MORC3: variants seen among roughly 807,000 people sequenced by gnomAD.
MORC3 encodes the protein MORC family CW-type zinc finger 3, also known as MORC family CW-type zinc finger protein 3.
MORC3 carries 31 observed loss-of-function variants against 109.1 expected under a neutral mutation model. That is an observed-to-expected ratio of 0.28 (90% CI 0.21 to 0.38). The LOEUF is 0.38. Among genes scored for constraint, MORC3 ranks in the 10% least tolerant of loss-of-function variants. MORC3 has a pLI of 1.00. For synonymous variants in MORC3, 395 were observed against 380.7 expected, an observed-to-expected ratio of 1.04 and a Z score of -0.44; for missense variants, 867 against 1,135.8, an observed-to-expected ratio of 0.76 and a Z score of 3.40.
At chr21:36,333,765 G>C in intron 2 of MORC3, 47 bp downstream of exon 2, 1 of 1,216,168 alleles carries the variant, frequency 8.2e-7, no homozygotes, top group Non-Finnish European at 1.2e-6. Context: ...TACAATTGTA[G>C]TGTTTTTTTT....
At chr21:36,360,759 A>T (rs1015665913) in intron 12 of MORC3, 9 of 165,696 alleles carry the variant, frequency 5.4e-5, no homozygotes, top group Non-Finnish European at 9.2e-5. Flanking sequence ...GAGAATGTAC[A>T]GGGAATAAAC....
chr21:36,371,776 A>G (rs1490175523), intron 15 of MORC3, among the ~76,000 whole-genome samples: 1 of 151,696 alleles, frequency 6.6e-6, no homozygotes, highest in Non-Finnish European at 1.5e-5. Context: ...AACATAATTT[A>G]GGCATTAGTA....
At chr21:36,354,989 A>C (rs922062949) in intron 9 of MORC3, among the ~76,000 whole-genome samples, 4 of 152,122 alleles carry the variant, frequency 2.6e-5, no homozygotes, top group African/African-American at 9.7e-5. Context: ...TCTTGTAAAT[A>C]CTGTGAAGTC....
chr21:36,330,700 T>C (rs1419342054), intron 1 of MORC3, among the ~76,000 whole-genome samples: 2 of 152,214 alleles, frequency 1.3e-5, no homozygotes, highest in East Asian at 1.9e-4. Flanking sequence ...CCCAAGGCCA[T>C]GTCCCATGGT....
intron 1 of MORC3, among the ~76,000 whole-genome samples, chr21:36,324,606 G>A (rs543834027): frequency 2.7e-5 from 4 of 150,438 alleles, no homozygotes; most frequent in African/African-American, 7.3e-5. Flanking sequence ...GTTTTGTTTT[G>A]CTCACTGCAT....
intron 2 of MORC3, among the ~76,000 whole-genome samples, chr21:36,336,006 A>T (rs1239865957): frequency 1.3e-5 from 2 of 151,134 alleles, no homozygotes; most frequent in Non-Finnish European, 2.9e-5. Flanking sequence ...GCTCATTGCA[A>T]CCTCCGCCTC....
chr21:36,343,317 A>G (rs2085471505), intron 6 of MORC3, among the ~76,000 whole-genome samples: 1 of 151,674 alleles, frequency 6.6e-6, no homozygotes, highest in South Asian at 2.1e-4. Context: ...CTGGTCTCGA[A>G]CTCCCGACCT....
At chr21:36,325,693 T>C (rs1226452017) in intron 1 of MORC3, among the ~76,000 whole-genome samples, 1 of 152,206 alleles carries the variant, frequency 6.6e-6, no homozygotes, top group Non-Finnish European at 1.5e-5. Flanking sequence ...TTTTGCTTTC[T>C]TCGGTTTTAA....
chr21:36,346,470 T>C (rs2085508770), intron 8 of MORC3, among the ~76,000 whole-genome samples: 1 of 152,114 alleles, frequency 6.6e-6, no homozygotes, highest in South Asian at 2.1e-4. Context: ...GGTAGGAGGA[T>C]TGCTTGAGGC....
At chr21:36,368,871 C>G in intron 14 of MORC3, 117 bp from the exon 15 acceptor site, 4 of 955,668 alleles carry the variant, frequency 4.2e-6, no homozygotes, top group Non-Finnish European at 6.1e-6. Context: ...AGTGACACTC[C>G]ATCTCAAAAA....
chr21:36,341,573 G>A, intron 6 of MORC3, 27 bp downstream of exon 6: 3 of 1,612,994 alleles, frequency 1.9e-6, no homozygotes, highest in Non-Finnish European at 2.5e-6. Context: ...CTTTGTGGAA[G>A]TGAGAAAATC....
chr21:36,345,712 A>C (rs943779088), intron 8 of MORC3, among the ~76,000 whole-genome samples: 4 of 151,884 alleles, frequency 2.6e-5, no homozygotes, highest in Non-Finnish European at 1.5e-5. Flanking sequence ...GTGCCACCGC[A>C]CTCGGCCAGT....
intron 13 of MORC3, among the ~76,000 whole-genome samples, chr21:36,362,835 A>T (rs1401212594): frequency 6.6e-6 from 1 of 152,118 alleles, no homozygotes; most frequent in African/African-American, 2.4e-5. Flanking sequence ...TTCCTAATCC[A>T]ACATCATTCA....
rs774040578 is a variant in MORC3, at chr21:36,375,289, G to A, written c.2813G>A (p.Ser938Asn). The change falls in exon 17 of 17, where the codon AGT becomes AAT. Residue 938 changes from serine (S) to asparagine (N), a missense_variant. Ser to Asn is a conservative substitution (Grantham distance 46). Transcript: ENST00000400485. ...QVVEQMSEIS[S>N]T ...GTTGAACAAATGAGTGAAATCAGTA[G>A]TACTTAAAGTATATGTTATGTAAGA... 6.2e-7 allele frequency: 1 copy of A among 1,609,748 alleles called. No homozygotes were observed. The highest frequency in any genetic ancestry group is 1.1e-5 in the South Asian group (1 of 90,688).
intron 16 of MORC3, among the ~76,000 whole-genome samples, chr21:36,373,066 G>A (rs1316246489): frequency 1.3e-5 from 2 of 152,142 alleles, no homozygotes; most frequent in East Asian, 3.8e-4. Flanking sequence ...TAGGCCAGGC[G>A]TGGTGGCTCA....
chr21:36,327,155 CTTTTTT>C (rs71326674), intron 1 of MORC3, among the ~76,000 whole-genome samples: 26,129 of 80,890 alleles, frequency 0.32, 2,844 homozygotes, highest in East Asian at 0.57. Context: ...GGCTTTATTT[CTTTTTT>C]TTTTTTTTTT....
chr21:36,322,225 A>G (rs2085201985), intron 1 of MORC3, among the ~76,000 whole-genome samples: 1 of 152,188 alleles, frequency 6.6e-6, no homozygotes, highest in Admixed American at 6.5e-5. Context: ...GTTTCCATAA[A>G]ATTTTATTGG....
At chr21:36,324,584 A>G (rs2085228936) in intron 1 of MORC3, among the ~76,000 whole-genome samples, 1 of 144,678 alleles carries the variant, frequency 6.9e-6, no homozygotes, top group Non-Finnish European at 1.5e-5. Context: ...GCCTAACCGT[A>G]GTATTTTTGA....
chr21:36,355,889 T>G (rs1323863626), intron 9 of MORC3, among the ~76,000 whole-genome samples: 2 of 152,274 alleles, frequency 1.3e-5, no homozygotes, highest in East Asian at 3.9e-4. Context: ...ATACTTTTTC[T>G]TATATTATGA....
Sources: gnomAD v4.1 joint callset for allele counts (sites outside exome capture counted in the v4.1 genomes callset) on GRCh38, gnomAD v4.1.1 for gene constraint, MANE v1.5 for transcripts, NCBI Gene and HGNC (gene_info 2026-07-23, HGNC 2026-07-21) for gene names.